The following CNRIP1 variants were observed in gnomAD, a reference collection of about 807,000 sequenced individuals.
CNRIP1 encodes CB1 cannabinoid receptor-interacting protein 1.
CNRIP1 carries 10 observed loss-of-function variants against 15.2 expected under a neutral mutation model. The observed-to-expected ratio is 0.66, with a 90% CI of 0.41 to 1.12. CNRIP1 has a LOEUF of 1.12. CNRIP1 is among the 50% of genes most tolerant of loss of function. The pLI, the probability that CNRIP1 is intolerant of heterozygous loss-of-function variation, is 0.00. For synonymous variants in CNRIP1, 91 were observed against 83.2 expected, an observed-to-expected ratio of 1.09 and a Z score of -0.51; for missense variants, 211 against 214.7, an observed-to-expected ratio of 0.98 and a Z score of 0.11.
chr2:68,295,089 T>G (rs1558661698), intron 2 of CNRIP1, among the ~76,000 whole-genome samples: 1 of 152,140 alleles, frequency 6.6e-6, no homozygotes, highest in Non-Finnish European at 1.5e-5. Context: ...CCTGTCGTTA[T>G]TTTCTCCTCT....
chr2:68,299,658 TG>T (rs1322260327), intron 2 of CNRIP1, among the ~76,000 whole-genome samples: 1 of 152,240 alleles, frequency 6.6e-6, no homozygotes, highest in East Asian at 1.9e-4. Flanking sequence ...ACACTCTACC[TG>T]GACATTTTAT....
intron 2 of CNRIP1, among the ~76,000 whole-genome samples, chr2:68,306,533 C>T (rs963541030): frequency 2.0e-5 from 3 of 152,086 alleles, no homozygotes; most frequent in Non-Finnish European, 4.4e-5. Flanking sequence ...GTAATCCCAG[C>T]GTTTTGGGAG....
chr2:68,317,090 T>C, intron 2 of CNRIP1, 67 bp downstream of exon 2: 2 of 1,571,834 alleles, frequency 1.3e-6, no homozygotes, highest in Non-Finnish European at 8.8e-7. Context: ...GAGATAGTGA[T>C]TGTTTTCTTT....
Position 68,319,633 on chromosome 2 carries a change from G to A in CNRIP1, c.-233C>T. The A allele has an allele frequency of 2.0e-6, 1 of 499,052 alleles. No homozygotes were observed. Among genetic ancestry groups the A allele is most frequent in the Non-Finnish European group, 3.5e-6 (1 of 284,608 alleles). The allele number at this position is 499,052 out of a possible 1,614,324, so 30.9% of individuals were successfully genotyped here. On this transcript the variant is annotated 5_prime_UTR_variant, in exon 1 of 3. Coordinates refer to ENST00000263655, the MANE Select transcript of CNRIP1 (RefSeq NM_015463.3). The stretch of plus-strand genomic sequence containing the variant: ...ACTCGGCGAGGAAGCGGGCCCAAGA[G>A]ACGGCTCCAAGGCCGCGCGCTTCCC...
chr2:68,319,383 G>A lies in CNRIP1; in HGVS notation c.18C>T (p.Gly6=), dbSNP rs1179437598. 1 of 1,580,652 alleles carries A rather than the reference G, an allele frequency of 6.3e-7. No homozygotes were observed. The highest frequency in any genetic ancestry group is 8.6e-7 in the Non-Finnish European group (1 of 1,165,600). MGDLP[G]LVRLSIALRI... is the part of the protein sequence containing the mutation. ...GCAGCGCGATGGAGAGGCGCACGAG[G>A]CCCGGCAGGTCCCCCATGTCTGGGC... is the stretch of plus-strand genomic sequence containing the variant. The change falls in exon 1 of 3, where the codon GGC becomes GGT. Residue 6 remains glycine, a synonymous_variant. Transcript: ENST00000263655.
At chr2:68,298,787 C>T (rs1315398796) in intron 2 of CNRIP1, among the ~76,000 whole-genome samples, 1 of 152,086 alleles carries the variant, frequency 6.6e-6, no homozygotes, top group Non-Finnish European at 1.5e-5. Flanking sequence ...TTTCCTGGGC[C>T]TCTTACTACC....
chr2:68,301,805 T>A (rs1313050650), intron 2 of CNRIP1, among the ~76,000 whole-genome samples: 1 of 144,058 alleles, frequency 6.9e-6, no homozygotes, highest in Non-Finnish European at 1.5e-5. Flanking sequence ...GGCAGGAGAA[T>A]GGCGTGAACC....
chr2:68,308,135 A>G (rs1210655712), intron 2 of CNRIP1, among the ~76,000 whole-genome samples: 1 of 152,006 alleles, frequency 6.6e-6, no homozygotes, highest in Non-Finnish European at 1.5e-5. Flanking sequence ...TGAGGTTACA[A>G]TGAGCTATGA....
intron 2 of CNRIP1, among the ~76,000 whole-genome samples, chr2:68,297,136 C>T (rs1671398006): frequency 6.6e-6 from 1 of 151,968 alleles, no homozygotes; most frequent in African/African-American, 2.4e-5. Flanking sequence ...AAAATTAAAC[C>T]AAAACTGTAT....
intron 2 of CNRIP1, among the ~76,000 whole-genome samples, chr2:68,307,226 G>A (rs554516177): frequency 6.6e-6 from 1 of 152,204 alleles, no homozygotes; most frequent in African/African-American, 2.4e-5. Flanking sequence ...TTGTCAAAAT[G>A]TTATACAATT....
At chr2:68,284,914 A>G (rs1670992685) in intron 2 of CNRIP1, among the ~76,000 whole-genome samples, 2 of 152,190 alleles carry the variant, frequency 1.3e-5, no homozygotes, top group South Asian at 4.1e-4. Flanking sequence ...GTTTCTTTGT[A>G]AGGACAATTG....
chr2:68,310,582 G>T (rs578071228), intron 2 of CNRIP1, among the ~76,000 whole-genome samples: 1 of 152,078 alleles, frequency 6.6e-6, no homozygotes, highest in Non-Finnish European at 1.5e-5. Flanking sequence ...CTGCCAGCTA[G>T]AATACAAAAA....
intron 2 of CNRIP1, among the ~76,000 whole-genome samples, chr2:68,307,424 T>A (rs1671897905): frequency 6.6e-6 from 1 of 152,170 alleles, no homozygotes; most frequent in Non-Finnish European, 1.5e-5. Flanking sequence ...TGGGCTGGAG[T>A]AACCCTCCCA....
At chr2:68,310,202 C>T (rs1672023657) in intron 2 of CNRIP1, among the ~76,000 whole-genome samples, 2 of 152,166 alleles carry the variant, frequency 1.3e-5, no homozygotes, top group Non-Finnish European at 2.9e-5. Context: ...GTGGCACGCG[C>T]CTGTAGCCCC....
intron 2 of CNRIP1, among the ~76,000 whole-genome samples, chr2:68,303,259 A>C (rs1026674522): frequency 6.6e-6 from 1 of 152,240 alleles, no homozygotes. Context: ...CTTAAAGCAG[A>C]ACTGCAAATA....
intron 2 of CNRIP1, among the ~76,000 whole-genome samples, chr2:68,310,305 G>T (rs545556826): frequency 2.6e-4 from 39 of 152,278 alleles, no homozygotes; most frequent in African/African-American, 9.4e-4. Context: ...TCCAGCCTGG[G>T]CAACAAAAGT....
At chr2:68,288,951 A>C (rs776606285), downstream of CNRIP1, among the ~76,000 whole-genome samples, 10 of 152,234 alleles carry the variant, frequency 6.6e-5, no homozygotes, top group Non-Finnish European at 1.5e-4. Flanking sequence ...AGTGAATGTT[A>C]TTATCACCAT....
At chr2:68,316,818 G>A in intron 2 of CNRIP1, 3 of 544,086 alleles carry the variant, frequency 5.5e-6, no homozygotes, top group Non-Finnish European at 3.3e-6. Context: ...AGAATATTGT[G>A]GCCTACTTGG....
intron 2 of CNRIP1, among the ~76,000 whole-genome samples, chr2:68,303,026 T>G (rs1234376675): frequency 1.3e-5 from 2 of 151,880 alleles, no homozygotes; most frequent in African/African-American, 2.4e-5. Flanking sequence ...TTTTTGTATT[T>G]TTAGTAGAGA....
Sources: gnomAD v4.1 joint callset for allele counts (sites outside exome capture counted in the v4.1 genomes callset) on GRCh38, gnomAD v4.1.1 for gene constraint, MANE v1.5 for transcripts, NCBI Gene and HGNC (gene_info 2026-07-23, HGNC 2026-07-21) for gene names.